Variants in PRELID2 observed in about 807,000 individuals in gnomAD.
PRELID2 encodes the protein PRELI domain-containing protein 2.
PRELID2 carries 25 observed loss-of-function variants against 28.4 expected under a neutral mutation model. The observed-to-expected ratio is 0.88, with a 90% CI of 0.64 to 1.23. The LOEUF is 1.23. Ranked by LOEUF, PRELID2 falls within the 50% of genes most tolerant of loss-of-function variation. The pLI, the probability that PRELID2 is intolerant of heterozygous loss-of-function variation, is 0.00. For missense variants in PRELID2, 201 were observed against 214.4 expected, an observed-to-expected ratio of 0.94 and a Z score of 0.39; for synonymous variants, 76 against 71.6, an observed-to-expected ratio of 1.06 and a Z score of -0.31.
the PRELID2 span, among the ~76,000 whole-genome samples, chr5:145,372,218 G>A: frequency 1.3e-5 from 2 of 152,090 alleles, no homozygotes; most frequent in South Asian, 4.1e-4. Context: ...GAGTCATTCA[G>A]GAGCAGGTTG....
At chr5:145,521,439 C>G (rs1752562158) in intron 1 of PRELID2, among the ~76,000 whole-genome samples, 1 of 152,074 alleles carries the variant, frequency 6.6e-6, no homozygotes, top group Non-Finnish European at 1.5e-5. Context: ...GAGCAGACTC[C>G]AATTAGCTGC....
intron 1 of PRELID2, among the ~76,000 whole-genome samples, chr5:145,652,988 G>A (rs1227275888): frequency 6.6e-6 from 1 of 152,208 alleles, no homozygotes; most frequent in Non-Finnish European, 1.5e-5. Context: ...CCATCAGTGT[G>A]CTGTATTCAG....
intron 1 of PRELID2, among the ~76,000 whole-genome samples, chr5:145,731,335 T>C (rs898391641): frequency 6.6e-6 from 1 of 152,142 alleles, no homozygotes; most frequent in Non-Finnish European, 1.5e-5. Flanking sequence ...TCCTGCTCCA[T>C]TCCTAAAATG....
At chr5:145,328,435 C>T in the PRELID2 span, among the ~76,000 whole-genome samples, 37 of 152,342 alleles carry the variant, frequency 2.4e-4, 1 homozygote, top group South Asian at 7.5e-3. Context: ...TCCACATCCT[C>T]TCCAGCATCT....
At chr5:145,357,141 C>T in the PRELID2 span, among the ~76,000 whole-genome samples, 1 of 152,126 alleles carries the variant, frequency 6.6e-6, no homozygotes, top group African/African-American at 2.4e-5. Context: ...TTGTAGGTGA[C>T]CTGCCCCTTC....
intron 4 of PRELID2, among the ~76,000 whole-genome samples, chr5:145,817,204 TAAATAAATAAAAAAAA>T (rs1416529450): frequency 0.028 from 1,747 of 62,332 alleles, 103 homozygotes; most frequent in African/African-American, 0.091. Flanking sequence ...AAAAAATAAA[TAAATAAATAAAAAAAA>T]ATATATATAT....
At chr5:145,545,242 T>C (rs916257198) in intron 1 of PRELID2, among the ~76,000 whole-genome samples, 2 of 152,122 alleles carry the variant, frequency 1.3e-5, no homozygotes, top group Non-Finnish European at 2.9e-5. Flanking sequence ...ACAAATTTAC[T>C]TAAAGGGTTT....
chr5:145,323,788 A>C, the PRELID2 span, among the ~76,000 whole-genome samples: 1 of 152,220 alleles, frequency 6.6e-6, no homozygotes, highest in Admixed American at 6.5e-5. Context: ...TGCAAGGAAC[A>C]TAATCTTATT....
At chr5:145,572,082 T>C (rs564908670) in intron 1 of PRELID2, among the ~76,000 whole-genome samples, 10 of 152,132 alleles carry the variant, frequency 6.6e-5, no homozygotes, top group Non-Finnish European at 8.8e-5. Flanking sequence ...AGAACCTTGG[T>C]CTCCACAATG....
the PRELID2 span, among the ~76,000 whole-genome samples, chr5:145,383,408 A>G: frequency 1.3e-5 from 2 of 151,002 alleles, no homozygotes; most frequent in Non-Finnish European, 3.0e-5. Flanking sequence ...GTGTGTGTGT[A>G]CAAATGAGAA....
intron 1 of PRELID2, among the ~76,000 whole-genome samples, chr5:145,625,574 G>A (rs912864123): frequency 2.0e-5 from 3 of 152,010 alleles, no homozygotes; most frequent in African/African-American, 7.2e-5. Flanking sequence ...AACATCTTTT[G>A]TTTCTCTAAT....
chr5:145,285,001 T>C, the PRELID2 span, among the ~76,000 whole-genome samples: 1 of 152,286 alleles, frequency 6.6e-6, no homozygotes, highest in South Asian at 2.1e-4. Context: ...CTTGTACTGG[T>C]CCCATTTCAT....
At chr5:145,568,718 A>G (rs1752990115) in intron 1 of PRELID2, among the ~76,000 whole-genome samples, 1 of 152,232 alleles carries the variant, frequency 6.6e-6, no homozygotes, top group Non-Finnish European at 1.5e-5. Flanking sequence ...ATGAAATCTT[A>G]GCTACTTAGA....
intron 1 of PRELID2, among the ~76,000 whole-genome samples, chr5:145,628,774 G>T (rs1753891102): frequency 6.6e-6 from 1 of 152,088 alleles, no homozygotes; most frequent in East Asian, 1.9e-4. Context: ...GGAAATCAAA[G>T]ACAAGAGAAC....
intron 1 of PRELID2, among the ~76,000 whole-genome samples, chr5:145,649,479 G>C (rs946131429): frequency 1.3e-5 from 2 of 152,166 alleles, no homozygotes; most frequent in Non-Finnish European, 2.9e-5. Flanking sequence ...ATGTTTAACA[G>C]GTGAGATGTA....
intron 5 of PRELID2, among the ~76,000 whole-genome samples, chr5:145,766,648 G>A (rs1757779889): frequency 6.6e-6 from 1 of 152,186 alleles, no homozygotes; most frequent in African/African-American, 2.4e-5. Flanking sequence ...AGTAAGGAGT[G>A]TTTGCTAAAC....
intron 1 of PRELID2, among the ~76,000 whole-genome samples, chr5:145,586,649 C>T (rs1240268373): frequency 6.6e-6 from 1 of 152,102 alleles, no homozygotes; most frequent in Non-Finnish European, 1.5e-5. Context: ...TGGGCATAGA[C>T]TCATGCTTCT....
At chr5:145,552,215 T>C (rs1194793562) in intron 1 of PRELID2, among the ~76,000 whole-genome samples, 1 of 152,172 alleles carries the variant, frequency 6.6e-6, no homozygotes, top group Non-Finnish European at 1.5e-5. Context: ...TCCATTTTCA[T>C]AGTGATCATT....
chr5:145,240,581 GT>G, the PRELID2 span, among the ~76,000 whole-genome samples: 1 of 151,902 alleles, frequency 6.6e-6, no homozygotes, highest in African/African-American at 2.4e-5. Flanking sequence ...CAGCTGGGTT[GT>G]TTCCACATTT....
Sources: allele counts gnomAD v4.1 joint callset (sites outside exome capture counted in the v4.1 genomes callset), GRCh38; gene constraint gnomAD v4.1.1; transcripts MANE v1.5; gene names NCBI Gene and HGNC (gene_info 2026-07-23, HGNC 2026-07-21).